The following TENM2 variants were observed in gnomAD, a reference collection of about 807,000 sequenced individuals.
TENM2 encodes the protein teneurin-2.
In TENM2, 52 loss-of-function variants were observed where a neutral mutation model predicts 245.2. The ratio of observed to expected loss-of-function variants is 0.21; its 90% CI spans 0.17 to 0.27. The LOEUF (loss-of-function observed/expected upper bound fraction) is 0.27, where lower values mean the gene tolerates loss of function less well. Ranked by LOEUF, TENM2 falls within the 10% of genes least tolerant of loss-of-function variation. The pLI, the probability that TENM2 is intolerant of heterozygous loss-of-function variation, is 1.00. For synonymous variants in TENM2, 1,363 were observed against 1,438.9 expected, an observed-to-expected ratio of 0.95 and a Z score of 1.19; for missense variants, 3,046 against 3,666.8, an observed-to-expected ratio of 0.83 and a Z score of 4.37.
chr5:167,567,910 A>C (rs1328169252), intron 2 of TENM2, among the ~76,000 whole-genome samples: 1 of 151,520 alleles, frequency 6.6e-6, no homozygotes, highest in Non-Finnish European at 1.5e-5. Context: ...CCAAATCAAC[A>C]TGTCTTTTTT....
At chr5:167,381,633 A>C (rs1313250791) in intron 2 of TENM2, among the ~76,000 whole-genome samples, 1 of 152,146 alleles carries the variant, frequency 6.6e-6, no homozygotes, top group Non-Finnish European at 1.5e-5. Flanking sequence ...GCAGTTCTGG[A>C]TAGATTCCAT....
At chr5:167,775,407 T>G (rs1308361530) in intron 2 of TENM2, among the ~76,000 whole-genome samples, 2 of 152,194 alleles carry the variant, frequency 1.3e-5, no homozygotes, top group African/African-American at 4.8e-5. Context: ...TTTGTACAGA[T>G]AAATAAGTCT....
chr5:167,978,696 AAT>A (rs1431068714), intron 4 of TENM2, among the ~76,000 whole-genome samples: 1 of 152,096 alleles, frequency 6.6e-6, no homozygotes, highest in Non-Finnish European at 1.5e-5. Context: ...GGGTGATGAA[AAT>A]GTTTTGGAAC....
At chr5:167,720,649 T>C (rs1223336017) in intron 2 of TENM2, among the ~76,000 whole-genome samples, 1 of 152,238 alleles carries the variant, frequency 6.6e-6, no homozygotes. Flanking sequence ...CTCTGAAATA[T>C]TGCATTTATT....
the TENM2 span, among the ~76,000 whole-genome samples, chr5:167,021,817 A>T: frequency 6.6e-6 from 1 of 152,228 alleles, no homozygotes; most frequent in South Asian, 2.1e-4. Flanking sequence ...GTCATGTACT[A>T]GCTGTGTTAC....
chr5:167,420,430 A>AT (rs1040074066), intron 2 of TENM2, among the ~76,000 whole-genome samples: 28 of 152,000 alleles, frequency 1.8e-4, no homozygotes, highest in African/African-American at 6.0e-4. Flanking sequence ...TGGGCTTTAC[A>AT]CCCTTCTCAG....
chr5:167,846,339 C>CCAGAGT (rs1344066640), intron 2 of TENM2, among the ~76,000 whole-genome samples: 1 of 152,242 alleles, frequency 6.6e-6, no homozygotes, highest in African/African-American at 2.4e-5. Context: ...TAGAAAAGTG[C>CCAGAGT]TCAGTCCAGA....
chr5:168,031,173 G>C (rs1341228183), intron 5 of TENM2, among the ~76,000 whole-genome samples: 3 of 152,210 alleles, frequency 2.0e-5, no homozygotes, highest in Non-Finnish European at 2.9e-5. Flanking sequence ...CAGTGAGGTG[G>C]AAGTGAATGG....
At chr5:167,364,160 G>A (rs1220768424) in intron 1 of TENM2, among the ~76,000 whole-genome samples, 1 of 152,016 alleles carries the variant, frequency 6.6e-6, no homozygotes, top group Non-Finnish European at 1.5e-5. Flanking sequence ...ATATATAAAA[G>A]AGGCAATGAC....
intron 11 of TENM2, 35 bp downstream of exon 13, chr5:168,125,085 C>T (rs748670654): frequency 7.1e-6 from 11 of 1,549,640 alleles, no homozygotes; most frequent in Non-Finnish European, 8.8e-6. Flanking sequence ...CTCTCTCCAA[C>T]ACTCCTGCCC....
chr5:168,078,604 T>G (rs935136857), intron 7 of TENM2, among the ~76,000 whole-genome samples: 23 of 152,218 alleles, frequency 1.5e-4, no homozygotes, highest in African/African-American at 4.6e-4. Flanking sequence ...ATTAATTTTT[T>G]TATAAGGTGT....
intron 2 of TENM2, among the ~76,000 whole-genome samples, chr5:167,682,951 A>G (rs1370665034): frequency 2.0e-5 from 3 of 152,224 alleles, no homozygotes; most frequent in African/African-American, 7.2e-5. Flanking sequence ...TAATTAACAA[A>G]GAGGAAACAC....
At chr5:167,612,124 C>G (rs1279803797) in intron 2 of TENM2, among the ~76,000 whole-genome samples, 1 of 152,066 alleles carries the variant, frequency 6.6e-6, no homozygotes, top group Admixed American at 6.6e-5. Flanking sequence ...CTATTTGAGC[C>G]AGGATTCGAA....
the TENM2 span, among the ~76,000 whole-genome samples, chr5:167,214,549 G>A: frequency 2.0e-5 from 3 of 152,016 alleles, no homozygotes; most frequent in Middle Eastern, 3.2e-3. Flanking sequence ...CAATGTCGCT[G>A]TCACAATATT....
chr5:167,834,640 C>CTTTTTTTTTTT (rs555150513), intron 2 of TENM2, among the ~76,000 whole-genome samples: 1 of 129,544 alleles, frequency 7.7e-6, no homozygotes. Context: ...TGTACAATTT[C>CTTTTTTTTTTT]TTTTTTTTTT....
At chr5:168,220,617 A>G (rs1763586264) in intron 23 of TENM2, among the ~76,000 whole-genome samples, 1 of 152,160 alleles carries the variant, frequency 6.6e-6, no homozygotes, top group Non-Finnish European at 1.5e-5. Flanking sequence ...TTCTACCTGA[A>G]AAGATGGTGA....
At chr5:167,033,328 C>CT in the TENM2 span, among the ~76,000 whole-genome samples, 1 of 152,186 alleles carries the variant, frequency 6.6e-6, no homozygotes, top group East Asian at 1.9e-4. Context: ...TGCTGATGTA[C>CT]AGATATTCTT....
chr5:167,424,224 C>T (rs576410588), intron 2 of TENM2, among the ~76,000 whole-genome samples: 14 of 152,202 alleles, frequency 9.2e-5, no homozygotes, highest in African/African-American at 3.1e-4. Flanking sequence ...AGTCATTCTT[C>T]CGGCCCCGTT....
chr5:167,626,971 C>T (rs1299485145), intron 2 of TENM2, among the ~76,000 whole-genome samples: 1 of 152,144 alleles, frequency 6.6e-6, no homozygotes, highest in Non-Finnish European at 1.5e-5. Context: ...GAGTTGTCCT[C>T]CCTTTTACCC....
Sources: allele counts gnomAD v4.1 joint callset (sites outside exome capture counted in the v4.1 genomes callset), GRCh38; gene constraint gnomAD v4.1.1; transcripts MANE v1.5; gene names NCBI Gene and HGNC (gene_info 2026-07-23, HGNC 2026-07-21).